Variants in DLG2 observed in about 807,000 individuals in gnomAD.
DLG2 encodes the protein disks large homolog 2.
In DLG2, 45 loss-of-function variants were observed where a neutral mutation model predicts 132.5. The ratio of observed to expected loss-of-function variants is 0.34; its 90% CI spans 0.27 to 0.44. DLG2 has a LOEUF of 0.44. Among genes scored for constraint, DLG2 ranks in the 20% least tolerant of loss-of-function variants. DLG2 has a pLI of 1.00. For missense variants in DLG2, 1,045 were observed against 1,196.9 expected (o/e 0.87, Z 1.87); for synonymous variants, 424 against 419.6 (o/e 1.01, Z -0.13).
intron 6 of DLG2, among the ~76,000 whole-genome samples, chr11:84,929,865 G>A (rs1213175897): frequency 6.6e-6 from 1 of 152,068 alleles, no homozygotes; most frequent in Non-Finnish European, 1.5e-5. Context: ...CAGCCTGAGA[G>A]TAAATGTAGA....
At chr11:84,070,357 T>C (rs1439456411) in intron 10 of DLG2, among the ~76,000 whole-genome samples, 2 of 152,212 alleles carry the variant, frequency 1.3e-5, no homozygotes, top group African/African-American at 2.4e-5. Flanking sequence ...TCACACTCCA[T>C]AGCCCATGAA....
intron 16 of DLG2, among the ~76,000 whole-genome samples, chr11:83,855,866 A>C (rs2060458835): frequency 6.6e-6 from 1 of 152,044 alleles, no homozygotes; most frequent in South Asian, 2.1e-4. Flanking sequence ...ATACATATGC[A>C]GGTTTGCTAC....
intron 10 of DLG2, among the ~76,000 whole-genome samples, chr11:84,067,528 C>T (rs1273044405): frequency 1.3e-5 from 2 of 148,306 alleles, no homozygotes; most frequent in Admixed American, 6.9e-5. Context: ...TTTATGCTCA[C>T]AGAGAGGAGA....
chr11:84,655,738 G>GTTT (rs5793131), intron 6 of DLG2, among the ~76,000 whole-genome samples: 1 of 135,142 alleles, frequency 7.4e-6, no homozygotes, highest in Non-Finnish European at 1.6e-5. Context: ...TTTTTTGTTT[G>GTTT]TTTTTTTTTT....
chr11:85,614,055 G>C (rs1462287458), intron 2 of DLG2, among the ~76,000 whole-genome samples: 6 of 152,108 alleles, frequency 3.9e-5, no homozygotes, highest in South Asian at 2.1e-4. Flanking sequence ...AAGAAACTCT[G>C]GACACATCCA....
intron 4 of DLG2, among the ~76,000 whole-genome samples, chr11:85,175,476 G>A (rs1428341422): frequency 6.6e-6 from 1 of 152,098 alleles, no homozygotes; most frequent in Non-Finnish European, 1.5e-5. Flanking sequence ...CAACATAAGA[G>A]CAATACATGA....
chr11:84,365,490 G>A (rs2098676628), intron 7 of DLG2, among the ~76,000 whole-genome samples: 1 of 151,962 alleles, frequency 6.6e-6, no homozygotes, highest in Non-Finnish European at 1.5e-5. Context: ...TTTTTGAAGG[G>A]TTTTTTATGT....
chr11:84,007,010 A>G (rs1262356845), intron 11 of DLG2, among the ~76,000 whole-genome samples: 1 of 151,700 alleles, frequency 6.6e-6, no homozygotes, highest in East Asian at 1.9e-4. Context: ...ATTCACCAAA[A>G]CTGTCAAGTG....
chr11:85,291,562 C>G (rs1054304533), intron 3 of DLG2, among the ~76,000 whole-genome samples: 4 of 148,468 alleles, frequency 2.7e-5, no homozygotes, highest in African/African-American at 9.9e-5. Flanking sequence ...AAAAATTTAC[C>G]AAAATCACCT....
intron 15 of DLG2, among the ~76,000 whole-genome samples, chr11:83,893,652 G>T (rs2070686631): frequency 6.6e-6 from 1 of 152,032 alleles, no homozygotes; most frequent in Non-Finnish European, 1.5e-5. Context: ...TCTGTTTATT[G>T]GTTCAATTTT....
At chr11:84,423,089 G>A (rs995361001) in intron 7 of DLG2, among the ~76,000 whole-genome samples, 5 of 152,056 alleles carry the variant, frequency 3.3e-5, no homozygotes, top group Non-Finnish European at 7.4e-5. Flanking sequence ...GGTCAAATGG[G>A]GAAGGTCTGA....
At chr11:84,738,389 T>TA (rs2064145121) in intron 6 of DLG2, among the ~76,000 whole-genome samples, 1 of 152,018 alleles carries the variant, frequency 6.6e-6, no homozygotes, top group South Asian at 2.1e-4. Flanking sequence ...GGTAGTGAGA[T>TA]AAAATAAATA....
chr11:84,053,222 C>A (rs969420628), intron 11 of DLG2, among the ~76,000 whole-genome samples: 2 of 151,952 alleles, frequency 1.3e-5, no homozygotes, highest in Non-Finnish European at 2.9e-5. Flanking sequence ...AATGAGAATA[C>A]ACGGACACAT....
At chr11:85,339,228 A>G (rs2082325271) in intron 3 of DLG2, among the ~76,000 whole-genome samples, 1 of 152,126 alleles carries the variant, frequency 6.6e-6, no homozygotes, top group African/African-American at 2.4e-5. Context: ...CTCCATGTGG[A>G]TTTGCCATAG....
chr11:83,728,068 T>G (rs1250692893), intron 18 of DLG2, among the ~76,000 whole-genome samples: 1 of 152,174 alleles, frequency 6.6e-6, no homozygotes, highest in East Asian at 1.9e-4. Context: ...CAAATCCCAT[T>G]AATCTTACCT....
At chr11:84,850,276 C>A (rs1438595647) in intron 6 of DLG2, among the ~76,000 whole-genome samples, 1 of 152,078 alleles carries the variant, frequency 6.6e-6, no homozygotes, top group Non-Finnish European at 1.5e-5. Context: ...TATTATTTCC[C>A]CAAATGGCAG....
chr11:85,184,574 G>A (rs1595165385), intron 4 of DLG2, among the ~76,000 whole-genome samples: 1 of 151,852 alleles, frequency 6.6e-6, no homozygotes, highest in East Asian at 1.9e-4. Flanking sequence ...TATTAGAACT[G>A]CCCATTTCCC....
chr11:85,233,815 C>T (rs1010790385), intron 4 of DLG2, among the ~76,000 whole-genome samples: 1 of 149,578 alleles, frequency 6.7e-6, no homozygotes, highest in African/African-American at 2.5e-5. Flanking sequence ...TGAGTTTTAA[C>T]TAGTTTTTGC....
chr11:84,979,671 C>T (rs555743404), intron 6 of DLG2, among the ~76,000 whole-genome samples: 71 of 149,918 alleles, frequency 4.7e-4, no homozygotes, highest in African/African-American at 1.6e-3. Flanking sequence ...TGGGGGAGGG[C>T]GGAGGGATAG....
Sources: gnomAD v4.1 joint callset for allele counts (sites outside exome capture counted in the v4.1 genomes callset) on GRCh38, gnomAD v4.1.1 for gene constraint, MANE v1.5 for transcripts, NCBI Gene and HGNC (gene_info 2026-07-23, HGNC 2026-07-21) for gene names.